TRIO: variants seen among roughly 807,000 people sequenced by gnomAD.
TRIO encodes triple functional domain protein.
A neutral mutation model predicts 351.9 loss-of-function variants in TRIO; 58 were observed. That is an observed-to-expected ratio of 0.16 (90% CI 0.13 to 0.21). The LOEUF (loss-of-function observed/expected upper bound fraction) is 0.21. Ranked by LOEUF, TRIO falls within the 10% of genes least tolerant of loss-of-function variation. The probability of loss-of-function intolerance (pLI) is 1.00; values close to 1 mark genes in which losing one functional copy is unlikely to be tolerated. For missense variants in TRIO, 3,201 were observed against 4,027.8 expected, an observed-to-expected ratio of 0.79 and a Z score of 5.56; for synonymous variants, 1,758 against 1,595.7, an observed-to-expected ratio of 1.10 and a Z score of -2.42.
chr5:14,379,801 C>T (rs1745903979), intron 20 of TRIO, among the ~76,000 whole-genome samples: 1 of 152,212 alleles, frequency 6.6e-6, no homozygotes, highest in Admixed American at 6.5e-5. Flanking sequence ...AAATAAAATC[C>T]TGAAGTGCGT....
chr5:14,166,542 C>T (rs560210121), intron 1 of TRIO, among the ~76,000 whole-genome samples: 6 of 152,240 alleles, frequency 3.9e-5, no homozygotes, highest in African/African-American at 1.2e-4. Flanking sequence ...TTCTTCTTGA[C>T]GTTTTCTTTT....
At chr5:14,222,014 G>A (rs768642274) in intron 1 of TRIO, among the ~76,000 whole-genome samples, 2 of 152,096 alleles carry the variant, frequency 1.3e-5, no homozygotes, top group Non-Finnish European at 2.9e-5. Flanking sequence ...AATTGCCGCA[G>A]CCACCCCAGC....
chr5:14,461,188 G>A lies in TRIO; in HGVS notation c.5373G>A (p.Gly1791=). 4 of 1,562,584 alleles carry A rather than the reference G, an allele frequency of 2.6e-6. No individual in the cohort carries two copies. Among genetic ancestry groups the A allele is most frequent in the East Asian group, 4.8e-5 (2 of 42,056 alleles). ...GGCTCAGCAGCGGCAAGGCCGACGG[G>A]CACGTGAAGAAGCTGGCGCACAAGC... is the stretch of plus-strand genomic sequence containing the variant. ...VRRLSSGKAD[G]HVKKLAHKHK... is the part of the protein sequence containing the mutation. The change falls in exon 35 of 57, where the codon GGG becomes GGA. Residue 1791 remains glycine, a synonymous_variant. Coordinates refer to ENST00000344204, the MANE Select transcript of TRIO (RefSeq NM_007118.4).
At position 14,472,668 on chromosome 5, in the gene TRIO, G is replaced by C; in HGVS notation, c.5979+10G>C. Reference sequence around the variant, plus strand: ...TGGCTATGTGGTTGAGGTGTGTATTGCCAGAAATTTAGTATCTTCGTATCA... The same window carrying C: ...TGGCTATGTGGTTGAGGTGTGTATTCCCAGAAATTTAGTATCTTCGTATCA... On this transcript the variant is annotated intron_variant, in intron 39 of 56. Transcript: ENST00000344204. The C allele has an allele frequency of 6.2e-7, 1 of 1,613,210 alleles. No homozygotes were observed. The highest frequency in any genetic ancestry group is 8.5e-7 in the Non-Finnish European group (1 of 1,179,426).
At chr5:14,390,356 G>A in intron 26 of TRIO, 56 bp downstream of exon 26, 1 of 1,520,986 alleles carries the variant, frequency 6.6e-7, no homozygotes, top group African/African-American at 1.4e-5. Flanking sequence ...GTTGAAGGAA[G>A]TTAGGAGGGA....
chr5:14,363,529 T>C (rs1269004289), intron 13 of TRIO, among the ~76,000 whole-genome samples: 1 of 152,218 alleles, frequency 6.6e-6, no homozygotes, highest in East Asian at 1.9e-4. Flanking sequence ...ATCTGGCTTC[T>C]GTGTCCATTT....
At chr5:14,338,673 G>T (rs1282062529) in intron 11 of TRIO, among the ~76,000 whole-genome samples, 1 of 152,214 alleles carries the variant, frequency 6.6e-6, no homozygotes, top group African/African-American at 2.4e-5. Context: ...AGGGACCTGG[G>T]CAGGGATGTC....
intron 1 of TRIO, among the ~76,000 whole-genome samples, chr5:14,200,133 G>C (rs537132621): frequency 2.0e-5 from 3 of 152,242 alleles, no homozygotes; most frequent in African/African-American, 7.2e-5. Flanking sequence ...AGTGTCCTCT[G>C]GGTGCCAGGC....
At chr5:14,301,872 G>A (rs1054967636) in intron 7 of TRIO, among the ~76,000 whole-genome samples, 1 of 152,126 alleles carries the variant, frequency 6.6e-6, no homozygotes, top group Non-Finnish European at 1.5e-5. Context: ...GGAGTCTAGG[G>A]TTGTGTCTTA....
intron 33 of TRIO, 145 bp from the exon 34 acceptor site, chr5:14,419,633 G>GCTC: frequency 2.0e-6 from 2 of 1,016,116 alleles, no homozygotes; most frequent in Non-Finnish European, 2.8e-6. Flanking sequence ...TTCATACGGA[G>GCTC]AGTGCAGTGA....
chr5:14,308,318 A>C (rs1738556322), intron 8 of TRIO, among the ~76,000 whole-genome samples: 1 of 151,134 alleles, frequency 6.6e-6, no homozygotes, highest in African/African-American at 2.4e-5. Flanking sequence ...CCAATCACCC[A>C]ACCACCCATC....
At chr5:14,236,427 G>A (rs191975118) in intron 1 of TRIO, among the ~76,000 whole-genome samples, 54 of 152,170 alleles carry the variant, frequency 3.5e-4, no homozygotes, top group African/African-American at 1.3e-3. Context: ...TACACCAAAC[G>A]TAACTCTTGG....
chr5:14,293,325 A>G (rs1737066095), intron 6 of TRIO, among the ~76,000 whole-genome samples, 191 bp downstream of exon 6: 1 of 152,214 alleles, frequency 6.6e-6, no homozygotes, highest in Admixed American at 6.5e-5. Context: ...AGTTTTAAAC[A>G]AAAATGAAAA....
intron 31 of TRIO, among the ~76,000 whole-genome samples, chr5:14,403,469 GT>G (rs1468248473): frequency 1.0e-5 from 1 of 98,384 alleles, no homozygotes; most frequent in Non-Finnish European, 2.0e-5. Flanking sequence ...GAGGGTGCAG[GT>G]TGTGGTGAGG....
chr5:14,402,944 G>A (rs556923011), intron 31 of TRIO, among the ~76,000 whole-genome samples: 22 of 152,108 alleles, frequency 1.4e-4, no homozygotes, highest in South Asian at 6.2e-4. Flanking sequence ...TGGTGAGAGC[G>A]TAGATGGAGA....
intron 1 of TRIO, among the ~76,000 whole-genome samples, chr5:14,193,451 T>C (rs1191208173): frequency 2.0e-5 from 3 of 152,220 alleles, no homozygotes; most frequent in Non-Finnish European, 2.9e-5. Flanking sequence ...TTTAAAAATA[T>C]GAAAACATAA....
At position 14,387,350 on chromosome 5, in the gene TRIO, C is replaced by G. The variant is rs1257202825; in HGVS notation, c.3571-88C>G. ...TCAGCCGGTTTTCCTGTTCAGAGCT[C>G]AGAGTTGGAGTCAAGTCGCCACTGT... On this transcript the variant is annotated intron_variant, in intron 21 of 56. Transcript: ENST00000344204. 2.2e-6 allele frequency: 3 copies of G among 1,373,800 alleles called. No individual in the cohort carries two copies. The African/African-American group carries it at 4.4e-5, about 20-fold the overall frequency. The allele number at this position is 1,373,800 out of a possible 1,614,324, so 85.1% of individuals were successfully genotyped here. A position where few individuals can be genotyped will look rare whatever the true frequency, so the allele number is the denominator to read the frequency against.
At chr5:14,396,537 T>G (rs1365540305) in intron 28 of TRIO, among the ~76,000 whole-genome samples, 1 of 130,084 alleles carries the variant, frequency 7.7e-6, no homozygotes, top group Non-Finnish European at 1.6e-5. Flanking sequence ...TGGCACAATC[T>G]TGGCTCACTG....
chr5:14,239,272 T>TC (rs139498030), intron 1 of TRIO, among the ~76,000 whole-genome samples: 2,134 of 152,012 alleles, frequency 0.014, 35 homozygotes, highest in African/African-American at 0.048. Context: ...CAACCTCCCC[T>TC]CCCCCCCATT....
Sources: gnomAD v4.1 joint callset for allele counts (sites outside exome capture counted in the v4.1 genomes callset) on GRCh38, gnomAD v4.1.1 for gene constraint, MANE v1.5 for transcripts, NCBI Gene and HGNC (gene_info 2026-07-23, HGNC 2026-07-21) for gene names.